AGMO: variants seen among roughly 807,000 people sequenced by gnomAD.
AGMO encodes alkylglycerol monooxygenase.
Under a neutral mutation model 60.2 loss-of-function variants are expected in AGMO, and 75 were observed. The ratio of observed to expected loss-of-function variants is 1.25; its 90% CI spans 1.03 to 1.51. The LOEUF is 1.51. Ranked by LOEUF, AGMO falls within the 40% of genes most tolerant of loss-of-function variation. The pLI, the probability that AGMO is intolerant of heterozygous loss-of-function variation, is 0.00. For synonymous variants in AGMO, 261 were observed against 177.1 expected (o/e 1.47, Z -3.76); for missense variants, 763 against 525.5 (o/e 1.45, Z -4.42).
intron 3 of AGMO, among the ~76,000 whole-genome samples, chr7:15,521,499 A>G (rs767373707): frequency 6.6e-6 from 1 of 152,170 alleles, no homozygotes; most frequent in Non-Finnish European, 1.5e-5. Flanking sequence ...CTTATCCCCC[A>G]TGATCAGGTT....
intron 12 of AGMO, among the ~76,000 whole-genome samples, chr7:15,265,232 T>G (rs190410852): frequency 6.6e-6 from 1 of 151,970 alleles, no homozygotes; most frequent in East Asian, 1.9e-4. Flanking sequence ...AGCTAAACAT[T>G]GAATACACAT....
intron 12 of AGMO, among the ~76,000 whole-genome samples, chr7:15,246,021 C>T (rs1782730589): frequency 6.6e-6 from 1 of 151,954 alleles, no homozygotes; most frequent in Non-Finnish European, 1.5e-5. Flanking sequence ...AAAATAAAAG[C>T]ATTTTCCTTG....
chr7:15,488,250 T>C (rs1329846617), intron 3 of AGMO, among the ~76,000 whole-genome samples: 1 of 152,238 alleles, frequency 6.6e-6, no homozygotes, highest in African/African-American at 2.4e-5. Flanking sequence ...GCTTTGGTTA[T>C]TAAAAATGTT....
intron 10 of AGMO, among the ~76,000 whole-genome samples, chr7:15,369,914 C>G (rs978615981): frequency 7.9e-5 from 12 of 151,980 alleles, no homozygotes; most frequent in Non-Finnish European, 1.2e-4. Context: ...TTTACAAATT[C>G]AAATTTTATT....
intron 3 of AGMO, among the ~76,000 whole-genome samples, chr7:15,499,944 T>TATAA (rs1302155597): frequency 4.2e-4 from 58 of 136,600 alleles, no homozygotes; most frequent in African/African-American, 1.3e-3. Context: ...TATATATATA[T>TATAA]AATATATATA....
intron 12 of AGMO, among the ~76,000 whole-genome samples, chr7:15,277,479 G>A (rs1783836349): frequency 6.6e-6 from 1 of 151,964 alleles, no homozygotes; most frequent in South Asian, 2.1e-4. Flanking sequence ...GATCCCTTCT[G>A]ATCTGGAGAA....
At chr7:15,222,072 G>A (rs566132598) in intron 12 of AGMO, among the ~76,000 whole-genome samples, 94 of 151,966 alleles carry the variant, frequency 6.2e-4, no homozygotes, top group African/African-American at 1.0e-3. Context: ...AAATCTTTTC[G>A]TCTAAAATGC....
intron 2 of AGMO, 145 bp from the exon 3 acceptor site, chr7:15,545,068 C>T (rs1181289791): frequency 1.9e-6 from 1 of 532,668 alleles, no homozygotes; most frequent in Non-Finnish European, 2.9e-6. Context: ...TATGTCATTC[C>T]TTTTAAAGGC....
chr7:15,331,436 G>A (rs1781496327), intron 12 of AGMO, among the ~76,000 whole-genome samples: 1 of 152,138 alleles, frequency 6.6e-6, no homozygotes, highest in Admixed American at 6.5e-5. Context: ...ATTTAAAAAT[G>A]TGTGTCTGTG....
chr7:15,561,731 A>G lies in AGMO; in HGVS notation c.115T>C (p.Tyr39His), dbSNP rs775541983. The G allele has an allele frequency of 3.1e-6, 5 of 1,605,486 alleles. No individual in the cohort carries two copies. In the South Asian group the frequency reaches 3.3e-5, roughly 11 times the overall value. The change falls in exon 1 of 13, where the codon TAT becomes CAT. Residue 39 changes from tyrosine (Y) to histidine (H), a missense_variant. Physicochemically the swap from Tyr to His is moderately conservative, Grantham distance 83. Transcript: ENST00000342526. ...SFQTLEEVPD[Y>H]VKKATPFFIS... ...CAATAAAGTCTCACCTTTTTTACATAATCAGGCACCTCTTCTAATGTTTGG... is the reference window on the plus strand; with the variant it reads ...CAATAAAGTCTCACCTTTTTTACATGATCAGGCACCTCTTCTAATGTTTGG...
chr7:15,317,248 T>A (rs80164593), intron 12 of AGMO, among the ~76,000 whole-genome samples: 2,761 of 152,270 alleles, frequency 0.018, 68 homozygotes, highest in African/African-American at 0.063. Flanking sequence ...ATTATTTTTA[T>A]GGTAACTCCT....
chr7:15,126,649 C>T, the AGMO span, among the ~76,000 whole-genome samples: 2 of 152,062 alleles, frequency 1.3e-5, no homozygotes, highest in Admixed American at 1.3e-4. Flanking sequence ...GATATTGTGA[C>T]TTACTTTTCA....
At chr7:15,259,899 C>CAAAAAAAAAAA (rs71549927) in intron 12 of AGMO, among the ~76,000 whole-genome samples, 103 of 9,418 alleles carry the variant, frequency 0.011, 14 homozygotes, top group African/African-American at 0.015. Context: ...ACAAGAACTG[C>CAAAAAAAAAAA]AAAAAAAAAA....
chr7:15,448,495 T>A (rs1385055890), intron 3 of AGMO, among the ~76,000 whole-genome samples: 3 of 152,198 alleles, frequency 2.0e-5, no homozygotes. Flanking sequence ...TGGAATTTTG[T>A]TATAGTAGTG....
chr7:15,327,253 G>A (rs1781367573), intron 12 of AGMO, among the ~76,000 whole-genome samples: 1 of 152,038 alleles, frequency 6.6e-6, no homozygotes, highest in African/African-American at 2.4e-5. Context: ...GTTTATATTT[G>A]CATTTAGTGG....
At chr7:15,233,500 A>C (rs1048324921) in intron 12 of AGMO, among the ~76,000 whole-genome samples, 2 of 152,004 alleles carry the variant, frequency 1.3e-5, no homozygotes, top group Non-Finnish European at 2.9e-5. Flanking sequence ...GGTACCAGGG[A>C]ATGGGGAGAG....
intron 12 of AGMO, among the ~76,000 whole-genome samples, chr7:15,300,714 A>G (rs189625643): frequency 6.6e-6 from 1 of 152,324 alleles, no homozygotes; most frequent in Non-Finnish European, 1.5e-5. Flanking sequence ...GCTAACTGGC[A>G]TGAGAAAGAG....
At position 15,385,505 on chromosome 7, in the gene AGMO, T is replaced by C; in HGVS notation, c.1015A>G (p.Thr339Ala). Residue 339 changes from threonine (T) to alanine (A), a missense_variant, in exon 10 of 13, where the codon ACA (threonine) becomes GCA (alanine). Transcript: ENST00000342526. ...SSSSQLLKIY[T>A]VVQFALMLAF... is the part of the protein sequence containing the mutation. ...AACATCAGAGCAAACTGTACAACTG[T>C]ATATATCTTTAATAGCTGAGATGAA... 2 of 1,613,324 alleles carry C rather than the reference T, an allele frequency of 1.2e-6. No individual in the cohort carries two copies. Among genetic ancestry groups the C allele is most frequent in the Non-Finnish European group, 1.7e-6 (2 of 1,179,484 alleles).
In AGMO at chr7:15,265,792, A is replaced by G. The variant is rs111305498; in HGVS notation, c.1264-64433T>C. 9.4e-3 allele frequency among the ~76,000 whole-genome samples: 1,434 copies of G among 152,212 alleles called. 15 individuals are homozygous for G. Among genetic ancestry groups the G allele is most frequent in the Non-Finnish European group, 0.017 (1,134 of 67,986 alleles). On this transcript the variant is annotated intron_variant, in intron 12 of 12. Transcript: ENST00000342526. Reference sequence around the variant, plus strand: ...AATTCCACTTCATAGTGTATACCCAAAAGAATTGAAAGCCATGTCTTGAAA... The same window carrying G: ...AATTCCACTTCATAGTGTATACCCAGAAGAATTGAAAGCCATGTCTTGAAA...
Sources: allele counts gnomAD v4.1 joint callset (sites outside exome capture counted in the v4.1 genomes callset), GRCh38; gene constraint gnomAD v4.1.1; transcripts MANE v1.5; gene names NCBI Gene and HGNC (gene_info 2026-07-23, HGNC 2026-07-21).